The following HEPH variants were observed in gnomAD, a reference collection of about 807,000 sequenced individuals.
The protein encoded by HEPH is hephaestin.
A neutral mutation model predicts 80.8 loss-of-function variants in HEPH; 69 were observed. The observed-to-expected ratio is 0.85, with a 90% CI of 0.70 to 1.04. The LOEUF (loss-of-function observed/expected upper bound fraction) is 1.04. Ranked by LOEUF, HEPH falls within the 50% of genes least tolerant of loss-of-function variation. The pLI is 0.00. For synonymous variants in HEPH, 431 were observed against 322.8 expected, an observed-to-expected ratio of 1.34 and a Z score of -3.60; for missense variants, 1,115 against 891.3, an observed-to-expected ratio of 1.25 and a Z score of -3.20.
intron 15 of HEPH, among the ~76,000 whole-genome samples, chrX:66,244,567 TC>T (rs1265615901): frequency 9.0e-6 from 1 of 111,435 alleles, no homozygotes; most frequent in Non-Finnish European, 1.9e-5. Flanking sequence ...TTTTATTATA[TC>T]CCTTAGATTT....
In HEPH at chrX:66,188,367, G is replaced by A. The variant is rs2087597962; in HGVS notation, c.634G>A (p.Asp212Asn). Reference protein sequence around the residue: ...PLITCKRGALDGNSPPQRQDV... With the variant: ...PLITCKRGALNGNSPPQRQDV... ...TGTCTTACTTGCCCTAGGAGCCCTG[G>A]ATGGGAACTCCCCTCCTCAACGCCA... The change falls in exon 5 of 21, where the codon GAT (aspartate) becomes AAT (asparagine). Residue 212 changes from aspartate to asparagine, a missense_variant. Coordinates refer to ENST00000343002, the MANE Select transcript of HEPH (RefSeq NM_001367233.3). 3 of 1,186,796 alleles carry A rather than the reference G, an allele frequency of 2.5e-6. No homozygotes were observed. Among genetic ancestry groups the A allele is most frequent in the Non-Finnish European group, 3.4e-6 (3 of 882,406 alleles).
chrX:66,169,167 G>A (rs1334411724), intron 1 of HEPH, among the ~76,000 whole-genome samples: 1 of 111,153 alleles, frequency 9.0e-6, no homozygotes, highest in Non-Finnish European at 1.9e-5. Flanking sequence ...TGTAATATGG[G>A]GATAATAATG....
chrX:66,175,672 C>T (rs924345155), intron 4 of HEPH, among the ~76,000 whole-genome samples: 4 of 111,302 alleles, frequency 3.6e-5, no homozygotes, highest in African/African-American at 1.3e-4. Context: ...TTGTGTCATC[C>T]ATGATTTTTT....
At chrX:66,242,055 G>A (rs1339717323) in intron 15 of HEPH, among the ~76,000 whole-genome samples, 3 of 106,120 alleles carry the variant, frequency 2.8e-5, no homozygotes, top group African/African-American at 7.1e-5. Context: ...GCTTGAGTAG[G>A]CAAGACAATC....
At chrX:66,215,396 C>T (rs2089341725) in intron 15 of HEPH, among the ~76,000 whole-genome samples, 1 of 110,606 alleles carries the variant, frequency 9.0e-6, no homozygotes, top group African/African-American at 3.3e-5. Flanking sequence ...TATATGTTTG[C>T]CAGGATCACC....
rs761874642 is a variant in HEPH, at chrX:66,203,460, C to A, written c.2174C>A (p.Pro725His). The A allele has an allele frequency of 3.3e-6, 4 of 1,210,734 alleles. No homozygotes were observed. The highest frequency in any genetic ancestry group is 4.5e-6 in the Non-Finnish European group (4 of 894,963). The change falls in exon 13 of 21, where the codon CCT (proline) becomes CAT (histidine). Residue 725 changes from proline (P) to histidine (H), a missense_variant. Transcript: ENST00000343002. ...VSQCPGHQAT[P>H]RQRYQAARIY... is the part of the protein sequence containing the mutation. ...CAGTGTCCTGGCCACCAAGCCACCC[C>A]TCGCCAACGCTACCAAGCTGCAAGA...
intron 15 of HEPH, among the ~76,000 whole-genome samples, chrX:66,222,034 G>T (rs1314674927): frequency 8.9e-6 from 1 of 112,698 alleles, no homozygotes; most frequent in East Asian, 2.8e-4. Context: ...CCAGTTATTT[G>T]GCAGAGTGCC....
At chrX:66,229,441 G>A (rs561309680) in intron 15 of HEPH, among the ~76,000 whole-genome samples, 5 of 111,192 alleles carry the variant, frequency 4.5e-5, no homozygotes, top group African/African-American at 1.6e-4. Context: ...TGAACTTTGG[G>A]GATTCAGGGG....
intron 15 of HEPH, among the ~76,000 whole-genome samples, chrX:66,232,905 A>T (rs1232758378): frequency 9.1e-6 from 1 of 110,129 alleles, no homozygotes. Flanking sequence ...GTGATGTGTG[A>T]TTGGACTTAA....
intron 15 of HEPH, among the ~76,000 whole-genome samples, chrX:66,221,175 C>G (rs1344949593): frequency 1.8e-5 from 2 of 111,310 alleles, no homozygotes; most frequent in Non-Finnish European, 3.8e-5. Context: ...AGTCACTTTG[C>G]AGGGGTTGGC....
upstream of HEPH, among the ~76,000 whole-genome samples, chrX:66,163,695 C>A (rs766961903): frequency 9.0e-6 from 1 of 111,433 alleles, no homozygotes; most frequent in Admixed American, 9.5e-5. Flanking sequence ...ACAGACCCAG[C>A]AAATCTCTCT....
chrX:66,170,803 C>T (rs1252112702), intron 2 of HEPH, 66 bp downstream of exon 2: 5 of 957,257 alleles, frequency 5.2e-6, no homozygotes, highest in Non-Finnish European at 5.8e-6. Flanking sequence ...CAGGAAGTAG[C>T]CTCTTGAGGC....
chrX:66,234,355 T>C (rs977628525), intron 15 of HEPH, among the ~76,000 whole-genome samples: 1 of 111,882 alleles, frequency 8.9e-6, no homozygotes, highest in Non-Finnish European at 1.9e-5. Context: ...GTCTTTCCTA[T>C]TGCGAATAGT....
intron 4 of HEPH, among the ~76,000 whole-genome samples, chrX:66,177,020 G>T (rs905062300): frequency 9.0e-6 from 1 of 111,437 alleles, no homozygotes; most frequent in Non-Finnish European, 1.9e-5. Context: ...TACCATCAGA[G>T]TGAACAGGCA....
chrX:66,225,351 G>A (rs755179776), intron 15 of HEPH, among the ~76,000 whole-genome samples: 1 of 111,580 alleles, frequency 9.0e-6, no homozygotes, highest in Non-Finnish European at 1.9e-5. Flanking sequence ...CAAAGAATGG[G>A]TAAAAAGGGC....
chrX:66,228,708 G>A (rs1569365666), intron 15 of HEPH, among the ~76,000 whole-genome samples: 1 of 111,503 alleles, frequency 9.0e-6, no homozygotes, highest in East Asian at 2.8e-4. Flanking sequence ...TCAAAATGTG[G>A]GCTAAGGACA....
chrX:66,208,088 T>G (rs2088892423), intron 14 of HEPH, 27 bp from the exon 15 acceptor site: 3 of 1,099,200 alleles, frequency 2.7e-6, no homozygotes, highest in Non-Finnish European at 3.7e-6. Context: ...GAAACTTTAT[T>G]TATTTAATTA....
intron 2 of HEPH, 33 bp from the exon 3 acceptor site, chrX:66,172,322 G>A: frequency 1.7e-6 from 2 of 1,157,498 alleles, no homozygotes; most frequent in Non-Finnish European, 2.3e-6. Context: ...GAAGATGGGG[G>A]GCAAAATTAT....
intron 15 of HEPH, among the ~76,000 whole-genome samples, chrX:66,229,381 C>T (rs1402130788): frequency 9.0e-6 from 1 of 111,055 alleles, no homozygotes; most frequent in Admixed American, 9.6e-5. Context: ...TATTCTCACT[C>T]ATAAGTGAGA....
Sources: gnomAD v4.1 joint callset for allele counts (sites outside exome capture counted in the v4.1 genomes callset) on GRCh38, gnomAD v4.1.1 for gene constraint, MANE v1.5 for transcripts, NCBI Gene and HGNC (gene_info 2026-07-23, HGNC 2026-07-21) for gene names.